NDUFS7: variants seen among roughly 807,000 people sequenced by gnomAD.
NDUFS7 encodes the protein NADH dehydrogenase [ubiquinone] iron-sulfur protein 7, mitochondrial.
A neutral mutation model predicts 31.1 loss-of-function variants in NDUFS7; 11 were observed. The ratio of observed to expected loss-of-function variants is 0.35; its 90% confidence interval spans 0.22 to 0.59. The LOEUF (loss-of-function observed/expected upper bound fraction) is 0.59, where lower values mean the gene tolerates loss of function less well. Ranked by LOEUF, NDUFS7 falls within the 20% of genes least tolerant of loss-of-function variation. NDUFS7 has a pLI of 0.79. For missense variants in NDUFS7, 263 were observed against 324.2 expected (o/e 0.81, Z 1.45); for synonymous variants, 136 against 127.9 (o/e 1.06, Z -0.43).
chr19:1,385,599 C>A (rs1275204556), intron 1 of NDUFS7, among the ~76,000 whole-genome samples: 2 of 150,854 alleles, frequency 1.3e-5, no homozygotes, highest in African/African-American at 4.9e-5. Context: ...TGGGCGGATC[C>A]CCTGAGTTCG....
chr19:1,394,316 T>TC (rs1459676548), intron 7 of NDUFS7: 61 of 1,268,310 alleles, frequency 4.8e-5, no homozygotes, highest in Non-Finnish European at 5.7e-5. Flanking sequence ...GAGAGGTCCA[T>TC]CCTGGGGTCA....
At position 1,393,233 on chromosome 19, in the gene NDUFS7, C is replaced by T. The variant is rs748955942; in HGVS notation, c.456-9C>T. Reference sequence around the variant, plus strand: ...TCGGCACACTCCCCTCACGGTGCCTCCCCAACAGCTGCGCCAACGGAGGAG... The same window carrying T: ...TCGGCACACTCCCCTCACGGTGCCTTCCCAACAGCTGCGCCAACGGAGGAG... On this transcript the variant is annotated splice_polypyrimidine_tract_variant and intron_variant, in intron 6 of 7. Coordinates refer to ENST00000233627, the MANE Select transcript of NDUFS7 (RefSeq NM_024407.5). This position sits in a 1 kb window ranked among gnomAD's most constrained non-coding sequence, Gnocchi z 7.3. The T allele has an allele frequency of 6.4e-7, 1 of 1,554,294 alleles. No homozygotes were observed. The highest frequency in any genetic ancestry group is 8.7e-7 in the Non-Finnish European group (1 of 1,149,928).
intron 4 of NDUFS7, chr19:1,389,886 C>A: frequency 4.7e-6 from 1 of 211,112 alleles, no homozygotes; most frequent in Non-Finnish European, 9.7e-6. Flanking sequence ...CAGGATAGTT[C>A]TTTTCTTTTT....
chr19:1,392,588 C>T (rs76153075), intron 6 of NDUFS7: 2,129 of 155,856 alleles, frequency 0.014, 43 homozygotes, highest in African/African-American at 0.049. Context: ...TCTCACTGAG[C>T]GCGACGTCCT....
chr19:1,390,976 G>A lies in NDUFS7; in HGVS notation c.334G>A (p.Ala112Thr), dbSNP rs776450572. Residue 112 changes from alanine (A) to threonine (T), a missense_variant, in exon 5 of 8, where the codon GCC becomes ACC. Physicochemically the swap from Ala to Thr is moderately conservative, Grantham distance 58. Coordinates refer to ENST00000233627, the MANE Select transcript of NDUFS7 (RefSeq NM_024407.5). ...DMDRFGVVFR[A>T]SPRQSDVMIV... ...GGACCGCTTTGGCGTGGTCTTCCGCGCCAGCCCGCGCCAGTCCGACGTCAT... is the reference window on the plus strand; with the variant it reads ...GGACCGCTTTGGCGTGGTCTTCCGCACCAGCCCGCGCCAGTCCGACGTCAT... 4 of 1,612,190 alleles carry A rather than the reference G, an allele frequency of 2.5e-6. No individual in the cohort carries two copies. The highest frequency in any genetic ancestry group is 2.2e-5 in the East Asian group (1 of 44,876).
intron 1 of NDUFS7, among the ~76,000 whole-genome samples, chr19:1,385,107 G>A (rs1333549118): frequency 2.6e-5 from 4 of 152,150 alleles, no homozygotes; most frequent in African/African-American, 4.8e-5. Context: ...CCCAGCCTAC[G>A]CTAAGAATTG....
chr19:1,393,010 G>A lies in NDUFS7; in HGVS notation c.456-232G>A. ...AATCGGTGGTCAGGAGCCCCCTCGG[G>A]AGGGGAGCACTTTTCCCCGAGTTAT... On this transcript the variant is annotated intron_variant, in intron 6 of 7. Coordinates refer to ENST00000233627, the MANE Select transcript of NDUFS7 (RefSeq NM_024407.5). This position sits in a 1 kb window ranked among gnomAD's most constrained non-coding sequence, Gnocchi z 7.3. 1.7e-6 allele frequency: 1 copy of A among 595,966 alleles called. No homozygotes were observed. Among genetic ancestry groups the A allele is most frequent in the Non-Finnish European group, 3.0e-6 (1 of 332,498 alleles). 36.9% of individuals were successfully genotyped at this position (595,966 alleles called of 1,614,324 possible).
intron 4 of NDUFS7, 46 bp downstream of exon 4, chr19:1,388,984 C>T (rs767448532): frequency 3.4e-6 from 5 of 1,486,400 alleles, no homozygotes; most frequent in Non-Finnish European, 3.7e-6. Context: ...CAGGGCCTCT[C>T]TGCACACTCA....
Position 1,395,423 on chromosome 19 carries a change from G to A in NDUFS7, c.577G>A (p.Gly193Ser), listed in dbSNP as rs1464495409. 1.9e-6 allele frequency: 3 copies of A among 1,602,752 alleles called. No individual in the cohort carries two copies. Among genetic ancestry groups the A allele is most frequent in the East Asian group, 2.3e-5 (1 of 44,400 alleles). ...ACCTACGGCCGAGGCCCTGCTCTAC[G>A]GCATCCTGCAGCTGCAGAGGAAGAT... ...CPPTAEALLY[G>S]ILQLQRKIKR... Residue 193 changes from glycine to serine, a missense_variant, in exon 8 of 8, where the codon GGC becomes AGC. Coordinates refer to ENST00000233627, the MANE Select transcript of NDUFS7 (RefSeq NM_024407.5).
Position 1,387,922 on chromosome 19 carries a change from GGGGGTGGGGGGA to G in NDUFS7, c.53+77_53+88del, listed in dbSNP as rs2082519971. On this transcript the variant is annotated intron_variant, in intron 2 of 7. Coordinates refer to ENST00000233627, the MANE Select transcript of NDUFS7 (RefSeq NM_024407.5). ...ACAGACGAACGGGGCGGGGGGGGTG[GGGGGTGGGGGGA>G]GCGCCTTGTTGAAGGTCACGTGTCA... is the stretch of plus-strand genomic sequence containing the variant. 6.6e-5 allele frequency: 28 copies of G among 423,318 alleles called. 8 individuals are homozygous for G. The highest frequency in any genetic ancestry group is 5.6e-4 in the East Asian group (8 of 14,368). 26.2% of individuals were successfully genotyped at this position (423,318 alleles called of 1,614,324 possible).
At chr19:1,389,040 AAC>A (rs1185139355) in intron 4 of NDUFS7, 102 bp downstream of exon 4, 9 of 963,506 alleles carry the variant, frequency 9.3e-6, no homozygotes, top group South Asian at 4.2e-5. Flanking sequence ...GTACACACAC[AAC>A]ACATGCATGC....
intron 4 of NDUFS7, chr19:1,389,802 TTTGTTTCC>T (rs2082542109): frequency 3.0e-6 from 1 of 328,766 alleles, no homozygotes; most frequent in Non-Finnish European, 6.0e-6. Flanking sequence ...CCTTTTGTTT[TTTGTTTCC>T]TAAACAATGC....
chr19:1,389,160 T>TGCACACTTGCACACAC, intron 4 of NDUFS7: 1 of 698,006 alleles, frequency 1.4e-6, no homozygotes, highest in South Asian at 1.5e-5. Flanking sequence ...CTCGCACACA[T>TGCACACTTGCACACAC]GCACACTTGC....
At position 1,393,350 on chromosome 19, in the gene NDUFS7, G is replaced by A. The variant is rs138762903; in HGVS notation, c.544+20G>A. ...TCCCAGGTAGGGCCGGGACCGCACC[G>A]CCCACGAGGGAGCTGGAGACAGGGC... On this transcript the variant is annotated intron_variant, in intron 7 of 7. Transcript: ENST00000233627. The surrounding 1 kb of genome is among the most constrained non-coding windows in gnomAD (Gnocchi z 7.3). The A allele has an allele frequency of 3.6e-4, 556 of 1,549,594 alleles. 2 individuals are homozygous for A. In the African/African-American group the frequency reaches 5.2e-3, roughly 15 times the overall value.
At chr19:1,395,235 G>C in intron 7 of NDUFS7, 156 bp from the exon 8 acceptor site, 1 of 1,439,272 alleles carries the variant, frequency 6.9e-7, no homozygotes, top group East Asian at 2.5e-5. Flanking sequence ...CCCTGCGCCG[G>C]CTCCCAGTCC....
At chr19:1,388,751 C>T in intron 3 of NDUFS7, 82 bp from the exon 4 acceptor site, 1 of 1,477,048 alleles carries the variant, frequency 6.8e-7, no homozygotes, top group South Asian at 1.2e-5. Flanking sequence ...AGGCCTCTGG[C>T]AGCGGCCGTG....
chr19:1,395,478 A>ACCGCAGGTAGCG lies in NDUFS7; in HGVS notation c.637_*6dup, dbSNP rs1335241370. On this transcript the variant is annotated stop_gained and inframe_insertion, in exon 8 of 8. Transcript: ENST00000233627. LOFTEE classifies it high-confidence loss of function. ...CGGGAGCGGAGGCTGCAGATCTGGT[A>ACCGCAGGTAGCG]CCGCAGGTAGCGCCGCCGCCGCCGC... 1.9e-6 allele frequency: 3 copies of ACCGCAGGTAGCG among 1,588,308 alleles called. No individual in the cohort carries two copies. The highest frequency in any genetic ancestry group is 1.8e-5 in the Admixed American group (1 of 55,138).
chr19:1,389,575 A>C (rs1008043276), intron 4 of NDUFS7: 54 of 451,718 alleles, frequency 1.2e-4, no homozygotes, highest in Non-Finnish European at 1.9e-4. Context: ...TTTCTCTTTT[A>C]AGGTGAAAGC....
At chr19:1,389,149 A>G in intron 4 of NDUFS7, 2 of 701,944 alleles carry the variant, frequency 2.8e-6, no homozygotes, top group Admixed American at 2.0e-5. Context: ...ACATATGCAC[A>G]CTCGCACACA....
Sources: gnomAD v4.1 joint callset for allele counts (sites outside exome capture counted in the v4.1 genomes callset) on GRCh38, gnomAD v4.1.1 for gene constraint, Gnocchi (gnomAD v3.1) non-coding constraint, MANE v1.5 for transcripts, NCBI Gene and HGNC (gene_info 2026-07-23, HGNC 2026-07-21) for gene names.